KLHL4: variants seen among roughly 807,000 people sequenced by gnomAD.
KLHL4 encodes the protein kelch-like protein 4.
KLHL4 carries 17 observed loss-of-function variants against 45.8 expected under a neutral mutation model. The ratio of observed to expected loss-of-function variants is 0.37; its 90% confidence interval spans 0.25 to 0.56. The LOEUF (loss-of-function observed/expected upper bound fraction) is 0.56, where lower values mean the gene tolerates loss of function less well. Ranked by LOEUF, KLHL4 falls within the 20% of genes least tolerant of loss-of-function variation. The probability of loss-of-function intolerance (pLI) is 0.79; values close to 1 mark genes in which losing one functional copy is unlikely to be tolerated. For missense variants in KLHL4, 544 were observed against 544.9 expected (o/e 1.00, Z 0.02); for synonymous variants, 224 against 189.9 (o/e 1.18, Z -1.47).
At chrX:87,633,692 C>T (rs1923171042) in intron 7 of KLHL4, 57 bp from the exon 8 acceptor site, 2 of 990,127 alleles carry the variant, frequency 2.0e-6, no homozygotes, top group Non-Finnish European at 2.7e-6. Context: ...CAAAATGAAA[C>T]AATATTCAGT....
At chrX:87,623,288 C>CTTTTTTTTTT (rs67869297) in intron 5 of KLHL4, among the ~76,000 whole-genome samples, 663 of 50,089 alleles carry the variant, frequency 0.013, 10 homozygotes, top group Middle Eastern at 0.023. Flanking sequence ...TTCCTTTTTT[C>CTTTTTTTTTT]TTTTTTTTTT....
chrX:87,574,125 G>A (rs1262508885), intron 1 of KLHL4, among the ~76,000 whole-genome samples: 2 of 111,792 alleles, frequency 1.8e-5, no homozygotes. Flanking sequence ...GGTAGCCTAT[G>A]CAGTTCAGTG....
chrX:87,583,956 G>C (rs1223456533), intron 1 of KLHL4, among the ~76,000 whole-genome samples: 4 of 111,715 alleles, frequency 3.6e-5, no homozygotes, highest in Non-Finnish European at 5.6e-5. Context: ...CATAGTGGTG[G>C]TGGTAACAAT....
chrX:87,561,594 G>A (rs1344981492), intron 1 of KLHL4, among the ~76,000 whole-genome samples: 1 of 110,928 alleles, frequency 9.0e-6, no homozygotes, highest in Non-Finnish European at 1.9e-5. Flanking sequence ...TGTAGTTCCT[G>A]GGTAAGTCCT....
At chrX:87,582,663 G>C (rs1006122907) in intron 1 of KLHL4, among the ~76,000 whole-genome samples, 2 of 112,197 alleles carry the variant, frequency 1.8e-5, no homozygotes, top group East Asian at 2.8e-4. Flanking sequence ...ACTAGGCCAA[G>C]ATAAAGTGGA....
intron 1 of KLHL4, among the ~76,000 whole-genome samples, chrX:87,580,085 G>A (rs935659001): frequency 3.6e-5 from 4 of 111,788 alleles, no homozygotes; most frequent in African/African-American, 1.3e-4. Flanking sequence ...CATAAAGTGT[G>A]TAGAAAGAGA....
At position 87,608,446 on chromosome X, in the gene KLHL4, T is replaced by C. The variant is rs184296646; in HGVS notation, c.423-5431T>C. ...TGGACTGTTGCAGTTCCTTGAACGA[T>C]GCACTGCACAGTTTCCCTTCTGAAG... On this transcript the variant is annotated intron_variant, in intron 1 of 10. Transcript: ENST00000373119. Among the ~76,000 whole-genome samples the C allele has an allele frequency of 2.2e-3, 242 of 111,640 alleles. 1 individual carries two copies. Among genetic ancestry groups the C allele is most frequent in the African/African-American group, 7.6e-3 (233 of 30,798 alleles).
intron 9 of KLHL4, among the ~76,000 whole-genome samples, chrX:87,646,751 G>A (rs1016561296): frequency 9.0e-6 from 1 of 111,311 alleles, no homozygotes; most frequent in Non-Finnish European, 1.9e-5. Context: ...AAGTCAAGAT[G>A]GATCAAATCA....
chrX:87,638,463 A>C lies in KLHL4; in HGVS notation c.1925+2688A>C, dbSNP rs1923341461. 1.8e-5 allele frequency among the ~76,000 whole-genome samples: 2 copies of C among 112,059 alleles called. 1 individual carries two copies. Among genetic ancestry groups the C allele is most frequent in the South Asian group, 7.4e-4 (2 of 2,715 alleles). ...GAGGGAAAAGCACCAGGTAACCTAA[A>C]AAGGAAAACCTGTGAGAGTAAGAGC... On this transcript the variant is annotated intron_variant, in intron 9 of 10. Transcript: ENST00000373119.
chrX:87,568,383 C>CTTTTTT (rs756469573), intron 1 of KLHL4, among the ~76,000 whole-genome samples: 13 of 59,204 alleles, frequency 2.2e-4, no homozygotes, highest in South Asian at 1.1e-3. Flanking sequence ...TTTTTCTTTT[C>CTTTTTT]TTTTTTTCTT....
At chrX:87,588,765 C>T (rs762133379) in intron 1 of KLHL4, among the ~76,000 whole-genome samples, 15 of 109,532 alleles carry the variant, frequency 1.4e-4, no homozygotes, top group South Asian at 1.2e-3. Context: ...AATATCTCCA[C>T]AAGCACAGGC....
At chrX:87,545,039 CAA>C (rs1201957436) in intron 1 of KLHL4, among the ~76,000 whole-genome samples, 1 of 111,682 alleles carries the variant, frequency 9.0e-6, no homozygotes, top group Non-Finnish European at 1.9e-5. Context: ...TGATGAAACT[CAA>C]AGAAATTCAA....
intron 9 of KLHL4, among the ~76,000 whole-genome samples, chrX:87,647,142 A>G (rs1923664214): frequency 8.9e-6 from 1 of 112,065 alleles, no homozygotes; most frequent in Non-Finnish European, 1.9e-5. Context: ...AAAATGTTCA[A>G]CGTCACTAAT....
chrX:87,667,647 G>C lies in KLHL4; in HGVS notation c.*1113G>C, dbSNP rs1924418003. The C allele has an allele frequency of 3.2e-5, 18 of 571,331 alleles. No homozygotes were observed. Among genetic ancestry groups the C allele is most frequent in the South Asian group, 9.2e-5 (1 of 10,832 alleles). The allele number at this position is 571,331 out of a possible 1,213,427, so 47.1% of individuals were successfully genotyped here. A position where few individuals can be genotyped will look rare whatever the true frequency, so the allele number is the denominator to read the frequency against. On this transcript the variant is annotated 3_prime_UTR_variant, in exon 11 of 11. Transcript: ENST00000373119. The stretch of plus-strand genomic sequence containing the variant: ...AATAACAAAAATGGCTAGTTGAATA[G>C]TATTTTATGTGTAATTCTTCCATTT...
chrX:87,655,022 T>A (rs941365292), intron 9 of KLHL4, among the ~76,000 whole-genome samples: 1 of 112,205 alleles, frequency 8.9e-6, no homozygotes, highest in East Asian at 2.8e-4. Flanking sequence ...ACTGAGATGT[T>A]TGAGTTCCTT....
At position 87,636,626 on chromosome X, in the gene KLHL4, G is replaced by A. The variant is rs756378996; in HGVS notation, c.1925+851G>A. Among the ~76,000 whole-genome samples, 11 of 110,971 alleles carry A rather than the reference G, an allele frequency of 9.9e-5. No homozygotes were observed. In the South Asian group the frequency reaches 4.3e-3, roughly 44 times the overall value. ...CTTGAAATAAGCTAGGTTCTGTTGA[G>A]CGAGGGTGCAGTGGGAGTGAGACCA... is the stretch of plus-strand genomic sequence containing the variant. On this transcript the variant is annotated intron_variant, in intron 9 of 10. Transcript: ENST00000373119.
intron 1 of KLHL4, among the ~76,000 whole-genome samples, chrX:87,609,611 G>GT (rs1186381573): frequency 4.5e-5 from 5 of 110,667 alleles, no homozygotes; most frequent in South Asian, 3.8e-4. Context: ...GGGGTTTTTT[G>GT]TTTTTTTTCT....
At chrX:87,594,036 C>A (rs1217102643) in intron 1 of KLHL4, among the ~76,000 whole-genome samples, 1 of 111,259 alleles carries the variant, frequency 9.0e-6, no homozygotes, top group Non-Finnish European at 1.9e-5. Flanking sequence ...CTTTTTAATT[C>A]TCTGACACCA....
At chrX:87,543,232 G>A (rs1053474487) in intron 1 of KLHL4, among the ~76,000 whole-genome samples, 2 of 111,240 alleles carry the variant, frequency 1.8e-5, no homozygotes, top group Admixed American at 9.6e-5. Context: ...GTGTGAGAAT[G>A]GACTAATACA....
Sources: allele counts gnomAD v4.1 joint callset (sites outside exome capture counted in the v4.1 genomes callset), GRCh38; gene constraint gnomAD v4.1.1; transcripts MANE v1.5; gene names NCBI Gene and HGNC (gene_info 2026-07-23, HGNC 2026-07-21).